Variants in RIMS1 observed in about 807,000 individuals in gnomAD.
RIMS1 encodes the protein regulating synaptic membrane exocytosis 1, also known as regulating synaptic membrane exocytosis protein 1.
In RIMS1, 83 loss-of-function variants were observed where a neutral mutation model predicts 214.1. The observed-to-expected ratio is 0.39, with a 90% CI of 0.32 to 0.47. The LOEUF is 0.47. RIMS1 is among the 20% of genes least tolerant of loss of function. The pLI, the probability that RIMS1 is intolerant of heterozygous loss-of-function variation, is 0.99. For missense variants in RIMS1, 2,050 were observed against 2,161.8 expected (o/e 0.95, Z 1.03); for synonymous variants, 793 against 786.8 (o/e 1.01, Z -0.13).
At chr6:72,126,449 C>T (rs1288670787) in intron 4 of RIMS1, among the ~76,000 whole-genome samples, 1 of 151,950 alleles carries the variant, frequency 6.6e-6, no homozygotes, top group Admixed American at 6.6e-5. Flanking sequence ...AAAGCTTCTG[C>T]ACAACAAAAG....
chr6:72,389,790 AT>A (rs1326232980), intron 29 of RIMS1, among the ~76,000 whole-genome samples: 1 of 152,214 alleles, frequency 6.6e-6, no homozygotes, highest in Non-Finnish European at 1.5e-5. Flanking sequence ...GCAAGTAAAT[AT>A]TTTAGAATTT....
At chr6:71,928,289 C>T (rs1171469814) in intron 1 of RIMS1, among the ~76,000 whole-genome samples, 1 of 152,086 alleles carries the variant, frequency 6.6e-6, no homozygotes, top group Non-Finnish European at 1.5e-5. Flanking sequence ...CCCGATCATC[C>T]TTTTATTCAG....
At chr6:71,970,933 C>G (rs930190762) in intron 2 of RIMS1, among the ~76,000 whole-genome samples, 7 of 152,066 alleles carry the variant, frequency 4.6e-5, no homozygotes, top group African/African-American at 1.7e-4. Flanking sequence ...CAGGCTTTAG[C>G]TTATAGATCA....
intron 28 of RIMS1, among the ~76,000 whole-genome samples, chr6:72,325,291 G>A (rs923931536): frequency 1.2e-4 from 18 of 151,638 alleles, no homozygotes; most frequent in Admixed American, 9.9e-4. Context: ...AGAGAGGGAT[G>A]ATAAATGATG....
chr6:72,052,779 T>C (rs2152159416), intron 2 of RIMS1, among the ~76,000 whole-genome samples: 1 of 152,358 alleles, frequency 6.6e-6, no homozygotes, highest in African/African-American at 2.4e-5. Flanking sequence ...GATTTAGTTG[T>C]TGCTTGACTA....
intron 29 of RIMS1, among the ~76,000 whole-genome samples, chr6:72,349,660 T>A (rs1418327939): frequency 6.6e-6 from 1 of 151,900 alleles, no homozygotes; most frequent in Admixed American, 6.6e-5. Context: ...GAAAGGATAT[T>A]GATTAGAAAC....
At chr6:72,286,619 T>C (rs886395222) in intron 24 of RIMS1, among the ~76,000 whole-genome samples, 1 of 152,330 alleles carries the variant, frequency 6.6e-6, no homozygotes, top group East Asian at 1.9e-4. Flanking sequence ...AATTGTTGAA[T>C]AGCAGGTTAC....
intron 6 of RIMS1, among the ~76,000 whole-genome samples, chr6:72,204,356 TACA>T (rs2052550889): frequency 6.6e-6 from 1 of 152,218 alleles, no homozygotes; most frequent in Non-Finnish European, 1.5e-5. Flanking sequence ...TATCATTATA[TACA>T]GAATGAAATC....
At chr6:71,980,513 C>T (rs1373564925) in intron 2 of RIMS1, among the ~76,000 whole-genome samples, 1 of 152,000 alleles carries the variant, frequency 6.6e-6, no homozygotes, top group Non-Finnish European at 1.5e-5. Context: ...GAATACAAAC[C>T]TGTGAAAGGC....
chr6:72,343,492 C>CTTTT (rs764125827), intron 29 of RIMS1, among the ~76,000 whole-genome samples: 756 of 57,226 alleles, frequency 0.013, no homozygotes, highest in East Asian at 0.021. Flanking sequence ...TCTTCTTCTT[C>CTTTT]TTTTTTTTTT....
chr6:72,117,903 C>T (rs2037400288), intron 4 of RIMS1, among the ~76,000 whole-genome samples: 1 of 151,702 alleles, frequency 6.6e-6, no homozygotes, highest in East Asian at 1.9e-4. Context: ...CCAAACCTAA[C>T]AGAAGAAAAG....
intron 2 of RIMS1, among the ~76,000 whole-genome samples, chr6:71,970,932 GCTTAT>G (rs1313067795): frequency 6.6e-6 from 1 of 152,126 alleles, no homozygotes; most frequent in East Asian, 1.9e-4. Flanking sequence ...ACAGGCTTTA[GCTTAT>G]AGATCAGTAT....
chr6:72,146,078 A>G (rs1273866165), intron 4 of RIMS1, among the ~76,000 whole-genome samples: 3 of 152,244 alleles, frequency 2.0e-5, no homozygotes, highest in African/African-American at 7.2e-5. Flanking sequence ...AAAGTAAAAA[A>G]TGATTACTTC....
intron 1 of RIMS1, among the ~76,000 whole-genome samples, chr6:71,928,480 G>C (rs1053200886): frequency 2.0e-5 from 3 of 151,888 alleles, no homozygotes; most frequent in African/African-American, 7.2e-5. Context: ...TCTTTTATCT[G>C]ATTATCCTAT....
chr6:72,030,685 T>G (rs1817835414), intron 2 of RIMS1, among the ~76,000 whole-genome samples: 1 of 152,194 alleles, frequency 6.6e-6, no homozygotes, highest in Admixed American at 6.5e-5. Context: ...TCTAAAATTT[T>G]AAATGATGTA....
intron 2 of RIMS1, among the ~76,000 whole-genome samples, chr6:71,974,411 C>T (rs138006886): frequency 1.1e-4 from 17 of 152,138 alleles, no homozygotes; most frequent in African/African-American, 2.9e-4. Flanking sequence ...ATAAGCAACT[C>T]GTACCTTGGC....
chr6:71,962,321 G>A (rs979489686), intron 1 of RIMS1, among the ~76,000 whole-genome samples: 1 of 151,824 alleles, frequency 6.6e-6, no homozygotes, highest in Non-Finnish European at 1.5e-5. Context: ...ATATTGTTTT[G>A]TGAATAATTT....
intron 1 of RIMS1, among the ~76,000 whole-genome samples, chr6:71,895,402 C>T (rs1260363302): frequency 2.0e-5 from 3 of 152,028 alleles, no homozygotes; most frequent in Non-Finnish European, 2.9e-5. Context: ...AGGCCGGGTG[C>T]GGTGGCTCAC....
At chr6:72,306,997 T>A (rs898974333) in intron 26 of RIMS1, among the ~76,000 whole-genome samples, 1 of 152,238 alleles carries the variant, frequency 6.6e-6, no homozygotes, top group Non-Finnish European at 1.5e-5. Context: ...ATTGAAAATA[T>A]TTCATATAAA....
Sources: allele counts gnomAD v4.1 joint callset (sites outside exome capture counted in the v4.1 genomes callset), GRCh38; gene constraint gnomAD v4.1.1; transcripts MANE v1.5; gene names NCBI Gene and HGNC (gene_info 2026-07-23, HGNC 2026-07-21).